TDRD3: variants seen among roughly 807,000 people sequenced by gnomAD.
TDRD3 encodes tudor domain-containing protein 3.
In TDRD3, 45 loss-of-function variants were observed where a neutral mutation model predicts 86.7. The ratio of observed to expected loss-of-function variants is 0.52; its 90% confidence interval spans 0.41 to 0.67. TDRD3 has a LOEUF of 0.67. Among genes scored for constraint, TDRD3 ranks in the 30% least tolerant of loss-of-function variants. The probability of loss-of-function intolerance (pLI) is 0.00; values close to 1 mark genes in which losing one functional copy is unlikely to be tolerated. For synonymous variants in TDRD3, 298 were observed against 301.7 expected (o/e 0.99, Z 0.13); for missense variants, 814 against 889.0 (o/e 0.92, Z 1.07).
intron 3 of TDRD3, among the ~76,000 whole-genome samples, chr13:60,458,961 A>T (rs1955740797): frequency 6.6e-6 from 1 of 152,222 alleles, no homozygotes; most frequent in Admixed American, 6.5e-5. Context: ...TAAAAAGTTC[A>T]TCCTGAATTA....
rs571739724 is a variant in TDRD3, at chr13:60,526,889, C to T, written c.1142-1478C>T. On this transcript the variant is annotated intron_variant, in intron 10 of 13. Coordinates refer to ENST00000377881, the MANE Select transcript of TDRD3 (RefSeq NM_001146070.2). ...TTGCTCTGTCACCCAGGCTGGAGAGCAGTGGCACAATCTCGTCTCACTGCA... is the reference window on the plus strand; with the variant it reads ...TTGCTCTGTCACCCAGGCTGGAGAGTAGTGGCACAATCTCGTCTCACTGCA... Among the ~76,000 whole-genome samples the T allele has an allele frequency of 7.9e-5, 12 of 151,994 alleles. No individual in the cohort carries two copies. The South Asian group carries it at 2.5e-3, about 32-fold the overall frequency.
rs149812081 is a variant in TDRD3 at position 60,433,834 on chromosome 13, A to G, written c.42-5854A>G. On this transcript the variant is annotated intron_variant, in intron 1 of 13. Transcript: ENST00000377881. The stretch of plus-strand genomic sequence containing the variant: ...TGCCTTGCTCCGTTTCATTATCTAT[A>G]CATTATAGCCAGTGAGTAAGTTAGA... Among the ~76,000 whole-genome samples, 490 of 152,318 alleles carry G rather than the reference A, an allele frequency of 3.2e-3. 2 individuals carry two copies. The highest frequency in any genetic ancestry group is 5.0e-3 in the Non-Finnish European group (339 of 68,030).
At chr13:60,486,028 C>T (rs1294237475) in intron 7 of TDRD3, 80 bp downstream of exon 7, 1 of 1,381,166 alleles carries the variant, frequency 7.2e-7, no homozygotes. Flanking sequence ...ATTGTCTTTT[C>T]ATATAAGCTA....
chr13:60,444,562 G>A, intron 2 of TDRD3, 121 bp from the exon 3 acceptor site: 1 of 538,530 alleles, frequency 1.9e-6, no homozygotes, highest in Non-Finnish European at 3.2e-6. Flanking sequence ...TAGATCTCAT[G>A]ACCAGTTAAA....
chr13:60,521,627 G>A (rs1043661595), intron 10 of TDRD3, among the ~76,000 whole-genome samples: 5 of 152,292 alleles, frequency 3.3e-5, no homozygotes, highest in Middle Eastern at 3.4e-3. Context: ...CGGGTGCGGT[G>A]GCTCACGCCT....
At chr13:60,538,205 TACTC>T (rs1350894284) in intron 12 of TDRD3, 3 of 152,080 alleles carry the variant, frequency 2.0e-5, no homozygotes, top group Non-Finnish European at 4.4e-5. Context: ...TTCCAGAACA[TACTC>T]AGGGAGTATA....
chr13:60,520,944 G>A (rs1437154115), intron 10 of TDRD3, among the ~76,000 whole-genome samples: 5 of 152,214 alleles, frequency 3.3e-5, no homozygotes, highest in Non-Finnish European at 7.3e-5. Flanking sequence ...CCATAATCCT[G>A]TGGAAAGAAT....
intron 7 of TDRD3, among the ~76,000 whole-genome samples, chr13:60,486,991 A>G (rs970495342): frequency 2.0e-5 from 3 of 151,788 alleles, no homozygotes; most frequent in Non-Finnish European, 4.4e-5. Context: ...AGCTCTCCAT[A>G]TTTGTGGATT....
chr13:60,434,059 G>A (rs1198227305), intron 1 of TDRD3: 1 of 152,180 alleles, frequency 6.6e-6, no homozygotes, highest in East Asian at 1.9e-4. Flanking sequence ...TATATGCCAA[G>A]TGACTTCTGA....
At chr13:60,534,876 C>T (rs1345113509) in intron 11 of TDRD3, among the ~76,000 whole-genome samples, 1 of 136,950 alleles carries the variant, frequency 7.3e-6, no homozygotes, top group African/African-American at 2.8e-5. Flanking sequence ...TGCAGTGAGC[C>T]AAGATCTTGC....
chr13:60,494,452 AGGT>A lies in TDRD3; in HGVS notation c.746_748del (p.Gly249del). On this transcript the variant is annotated inframe_deletion, in exon 8 of 14. Coordinates refer to ENST00000377881, the MANE Select transcript of TDRD3 (RefSeq NM_001146070.2). ...ATGTAAAGACCAAGACATTTGGAGG[AGGT>A]GGTGGTGGTGCTAGAAGTAATCTCA... is the stretch of plus-strand genomic sequence containing the variant. The A allele has an allele frequency of 3.1e-6, 5 of 1,613,190 alleles. No individual in the cohort carries two copies. The highest frequency in any genetic ancestry group is 4.2e-6 in the Non-Finnish European group (5 of 1,179,534).
At chr13:60,525,647 C>T (rs1957412217) in intron 10 of TDRD3, among the ~76,000 whole-genome samples, 1 of 151,862 alleles carries the variant, frequency 6.6e-6, no homozygotes, top group Admixed American at 6.6e-5. Flanking sequence ...TTTTAAGTAC[C>T]AAGTGTAATG....
intron 7 of TDRD3, among the ~76,000 whole-genome samples, chr13:60,493,137 C>G (rs1956631764): frequency 6.6e-6 from 1 of 151,504 alleles, no homozygotes; most frequent in African/African-American, 2.4e-5. Context: ...CCAAGATGGT[C>G]TCGATCTCCT....
Position 60,465,856 on chromosome 13 carries a change from A to G in TDRD3, c.354-1382A>G, listed in dbSNP as rs557938153. The stretch of plus-strand genomic sequence containing the variant: ...TATCCTAAGTATTTACCTTAGAAGT[A>G]CTATTTGCAGTACTTCTTGCTGTAT... On this transcript the variant is annotated intron_variant, in intron 4 of 13. Transcript: ENST00000377881. Among the ~76,000 whole-genome samples the G allele has an allele frequency of 2.0e-5, 3 of 152,280 alleles. No individual in the cohort carries two copies. In the South Asian group the frequency reaches 6.2e-4, roughly 32 times the overall value.
chr13:60,436,385 T>G (rs1319962310), intron 1 of TDRD3, among the ~76,000 whole-genome samples: 1 of 152,092 alleles, frequency 6.6e-6, no homozygotes, highest in African/African-American at 2.4e-5. Context: ...ATGAAAATGT[T>G]TAGAATTTTC....
chr13:60,397,266 TC>T lies in TDRD3; in HGVS notation c.-98del. The T allele has an allele frequency of 2.8e-6, 2 of 718,954 alleles. No individual in the cohort carries two copies. The highest frequency in any genetic ancestry group is 4.1e-6 in the Non-Finnish European group (2 of 492,650). The allele number at this position is 718,954 out of a possible 1,614,324, so 44.5% of individuals were successfully genotyped here. ...AGCCGACCAGAGGAGTTTTTTCTTT[TC>T]TTTTCTTTTTTTTTTTTTAAGGGGG... On this transcript the variant is annotated 5_prime_UTR_variant, in exon 1 of 14. The change creates a premature stop within an existing upstream ORF in the 5' untranslated region. Coordinates refer to ENST00000377881, the MANE Select transcript of TDRD3 (RefSeq NM_001146070.2).
chr13:60,471,579 G>A (rs545881048), intron 5 of TDRD3, among the ~76,000 whole-genome samples: 57 of 151,536 alleles, frequency 3.8e-4, no homozygotes, highest in Non-Finnish European at 6.5e-4. Flanking sequence ...TAAGGATTAT[G>A]TTGACTCTAT....
intron 11 of TDRD3, 26 bp downstream of exon 11, chr13:60,529,243 C>T: frequency 1.3e-6 from 2 of 1,534,736 alleles, no homozygotes. Context: ...AGATATTATA[C>T]ACTAATATTA....
chr13:60,444,782 AT>A (rs1955360777), intron 3 of TDRD3, 34 bp downstream of exon 3: 2 of 1,212,032 alleles, frequency 1.7e-6, no homozygotes, highest in Non-Finnish European at 2.3e-6. Context: ...ACATTAATTA[AT>A]TTAGTTACAA....
Sources: gnomAD v4.1 joint callset for allele counts (sites outside exome capture counted in the v4.1 genomes callset) on GRCh38, gnomAD v4.1.1 for gene constraint, MANE v1.5 for transcripts, NCBI Gene and HGNC (gene_info 2026-07-23, HGNC 2026-07-21) for gene names.